Variants in PRKN observed in about 807,000 individuals in gnomAD.
PRKN encodes E3 ubiquitin-protein ligase parkin.
Under a neutral mutation model 59.5 loss-of-function variants are expected in PRKN, and 56 were observed. That is an observed-to-expected ratio of 0.94 (90% CI 0.76 to 1.18). The LOEUF (loss-of-function observed/expected upper bound fraction) is 1.18. PRKN is among the 50% of genes most tolerant of loss of function. The probability of loss-of-function intolerance (pLI) is 0.00; values close to 1 mark genes in which losing one functional copy is unlikely to be tolerated. For synonymous variants in PRKN, 250 were observed against 222.1 expected (o/e 1.13, Z -1.12); for missense variants, 657 against 596.4 (o/e 1.10, Z -1.06).
chr6:161,698,772 CTT>C (rs1301793728), intron 7 of PRKN, among the ~76,000 whole-genome samples: 2 of 152,060 alleles, frequency 1.3e-5, no homozygotes, highest in Non-Finnish European at 2.9e-5. Context: ...TGCAAATAAA[CTT>C]TGATTCCCAC....
At chr6:161,821,364 AATC>A (rs1467410560) in intron 6 of PRKN, among the ~76,000 whole-genome samples, 1 of 152,136 alleles carries the variant, frequency 6.6e-6, no homozygotes, top group African/African-American at 2.4e-5. Context: ...GCCCGTACAT[AATC>A]ATCATTCTTA....
chr6:162,404,853 C>G (rs1195383426), intron 2 of PRKN, among the ~76,000 whole-genome samples: 1 of 152,112 alleles, frequency 6.6e-6, no homozygotes. Flanking sequence ...CGACCGGCCA[C>G]TTCTGATTTT....
chr6:161,362,308 G>T lies in PRKN; in HGVS notation c.1168-2103C>A, dbSNP rs1785006852. 6.6e-6 allele frequency among the ~76,000 whole-genome samples: 1 copy of T among 152,174 alleles called. No homozygotes were observed. The highest frequency in any genetic ancestry group is 2.4e-5 in the African/African-American group (1 of 41,420). On this transcript the variant is annotated intron_variant, in intron 10 of 11. Coordinates refer to ENST00000366898, the MANE Select transcript of PRKN (RefSeq NM_004562.3). This position sits in a 1 kb window ranked among gnomAD's most constrained non-coding sequence, Gnocchi z 5.2. The stretch of plus-strand genomic sequence containing the variant: ...CCCTTAAAGACAGCAAATCCTCCTG[G>T]TTCGGGAGGAAGGAACCTGGCATTT...
chr6:162,145,027 T>C (rs1376053183), intron 4 of PRKN, among the ~76,000 whole-genome samples: 1 of 152,098 alleles, frequency 6.6e-6, no homozygotes, highest in African/African-American at 2.4e-5. Context: ...TCACTAATTA[T>C]AAGAGAGATC....
chr6:162,516,811 A>AT (rs1404453610), intron 1 of PRKN, among the ~76,000 whole-genome samples: 8 of 152,160 alleles, frequency 5.3e-5, no homozygotes, highest in South Asian at 4.1e-4. Flanking sequence ...AACATTTCTT[A>AT]TTGAAACATT....
At chr6:161,856,365 T>C (rs1793651729) in intron 6 of PRKN, among the ~76,000 whole-genome samples, 1 of 151,256 alleles carries the variant, frequency 6.6e-6, no homozygotes. Flanking sequence ...CATCTCAAAA[T>C]AAATAAATAA....
intron 2 of PRKN, among the ~76,000 whole-genome samples, chr6:162,280,882 A>T (rs1206440997): frequency 6.6e-6 from 1 of 151,894 alleles, no homozygotes; most frequent in African/African-American, 2.4e-5. Context: ...AGACATGAAA[A>T]ACCCTTCCAA....
rs549893344 is a variant in PRKN at position 162,060,517 on chromosome 6, G to T, written c.535-6343C>A. Among the ~76,000 whole-genome samples, 18 of 152,264 alleles carry T rather than the reference G, an allele frequency of 1.2e-4. No individual in the cohort carries two copies. The South Asian group carries it at 3.7e-3, about 32-fold the overall frequency. On this transcript the variant is annotated intron_variant, in intron 4 of 11. Coordinates refer to ENST00000366898, the MANE Select transcript of PRKN (RefSeq NM_004562.3). ...GCATTGATAAAATCTGTAACATGTG[G>T]GTTTTAAAATTTATTTTCAAAAGTT...
intron 6 of PRKN, among the ~76,000 whole-genome samples, chr6:161,955,319 G>GA (rs1291468947): frequency 1.3e-5 from 2 of 152,010 alleles, no homozygotes; most frequent in Admixed American, 6.6e-5. Context: ...TCCCCATTGG[G>GA]AAAAAACTAC....
rs185297528 is a variant in PRKN at position 161,686,814 on chromosome 6, A to G, written c.871+98958T>C. On this transcript the variant is annotated intron_variant, in intron 7 of 11. Coordinates refer to ENST00000366898, the MANE Select transcript of PRKN (RefSeq NM_004562.3). The stretch of plus-strand genomic sequence containing the variant: ...AGCAAACCACAGCCATCTCCTTAGG[A>G]AACTTTCTCCATTCCCCACAAGGGC... Among the ~76,000 whole-genome samples, 633 of 152,244 alleles carry G rather than the reference A, an allele frequency of 4.2e-3. 4 individuals are homozygous for G. Among genetic ancestry groups the G allele is most frequent in the Non-Finnish European group, 3.3e-3 (226 of 68,024 alleles).
At chr6:162,692,619 T>C (rs999122462) in intron 1 of PRKN, among the ~76,000 whole-genome samples, 8 of 148,226 alleles carry the variant, frequency 5.4e-5, no homozygotes, top group African/African-American at 1.2e-4. Flanking sequence ...ACCCTCCGGG[T>C]TGACAATACT....
intron 2 of PRKN, among the ~76,000 whole-genome samples, chr6:162,417,043 C>T (rs1788664030): frequency 6.6e-6 from 1 of 152,150 alleles, no homozygotes; most frequent in African/African-American, 2.4e-5. Context: ...TCCAGAGAGA[C>T]ATGTGCATAA....
chr6:161,705,151 T>C (rs975664640), intron 7 of PRKN, among the ~76,000 whole-genome samples: 2 of 152,150 alleles, frequency 1.3e-5, no homozygotes, highest in Non-Finnish European at 2.9e-5. Context: ...TCCTCAACTA[T>C]ATATAGAGGC....
chr6:162,625,912 GCAAGAAAGACTTCAGT>G (rs1391462446), intron 1 of PRKN, among the ~76,000 whole-genome samples: 1 of 152,126 alleles, frequency 6.6e-6, no homozygotes, highest in Non-Finnish European at 1.5e-5. Flanking sequence ...GCATGAATTT[GCAAGAAAGACTTCAGT>G]CTGCTTTCTT....
Position 161,560,178 on chromosome 6 carries a change from T to C in PRKN, c.933+9177A>G, listed in dbSNP as rs924107573. On this transcript the variant is annotated intron_variant, in intron 8 of 11. Coordinates refer to ENST00000366898, the MANE Select transcript of PRKN (RefSeq NM_004562.3). The surrounding 1 kb of genome is among the most constrained non-coding windows in gnomAD (Gnocchi z 4.9). ...TCCTAAGCCTTTTTTCTGTGTCCCC[T>C]GAAATTCCTGTTCATGATAAACTAA... Among the ~76,000 whole-genome samples, 1 of 152,218 alleles carries C rather than the reference T, an allele frequency of 6.6e-6. No individual in the cohort carries two copies. The highest frequency in any genetic ancestry group is 1.5e-5 in the Non-Finnish European group (1 of 68,044).
intron 9 of PRKN, among the ~76,000 whole-genome samples, chr6:161,516,500 G>A (rs1259804941): frequency 0.015 from 1,558 of 101,464 alleles, 51 homozygotes; most frequent in African/African-American, 0.025. Flanking sequence ...AAAAGAAGAA[G>A]AAGAAAGAAG....
At chr6:162,141,104 T>C (rs1221671063) in intron 4 of PRKN, among the ~76,000 whole-genome samples, 4 of 151,956 alleles carry the variant, frequency 2.6e-5, no homozygotes, top group Non-Finnish European at 5.9e-5. Flanking sequence ...CACTCCAGCC[T>C]GGGCGACAGA....
intron 7 of PRKN, among the ~76,000 whole-genome samples, chr6:161,775,702 G>A (rs1225144010): frequency 6.6e-6 from 1 of 152,134 alleles, no homozygotes; most frequent in East Asian, 1.9e-4. Context: ...GGAGAGCAAT[G>A]TTCGAAAACC....
intron 3 of PRKN, among the ~76,000 whole-genome samples, chr6:162,216,549 A>C (rs986899846): frequency 9.3e-5 from 14 of 150,316 alleles, no homozygotes; most frequent in African/African-American, 2.7e-4. Context: ...AAAAAAAAAA[A>C]AAAAAAAAAA....
Sources: gnomAD v4.1 joint callset for allele counts (sites outside exome capture counted in the v4.1 genomes callset) on GRCh38, gnomAD v4.1.1 for gene constraint, Gnocchi (gnomAD v3.1) non-coding constraint, MANE v1.5 for transcripts, NCBI Gene and HGNC (gene_info 2026-07-23, HGNC 2026-07-21) for gene names.